CCDC171: variants seen among roughly 807,000 people sequenced by gnomAD.
The protein encoded by CCDC171 is coiled-coil domain-containing protein 171.
CCDC171 carries 177 observed loss-of-function variants against 168.2 expected under a neutral mutation model. That is an observed-to-expected ratio of 1.05 (90% confidence interval 0.93 to 1.19). The LOEUF (loss-of-function observed/expected upper bound fraction) is 1.19, where lower values mean the gene tolerates loss of function less well. Among genes scored for constraint, CCDC171 ranks in the 50% most tolerant of loss-of-function variants. CCDC171 has a pLI of 0.00. For synonymous variants in CCDC171, 687 were observed against 540.8 expected, an observed-to-expected ratio of 1.27 and a Z score of -3.75; for missense variants, 1,991 against 1,539.0, an observed-to-expected ratio of 1.29 and a Z score of -4.91.
At chr9:15,685,342 A>G (rs79933752) in intron 10 of CCDC171, among the ~76,000 whole-genome samples, 7,134 of 152,244 alleles carry the variant, frequency 0.047, 240 homozygotes, top group Non-Finnish European at 0.069. Context: ...GAATATAAGC[A>G]TAGACCAGAT....
chr9:16,090,907 C>A, the CCDC171 span, among the ~76,000 whole-genome samples: 3 of 152,192 alleles, frequency 2.0e-5, no homozygotes, highest in African/African-American at 7.2e-5. Context: ...AGAAGTAATT[C>A]TCGAAAGTTG....
chr9:15,819,996 G>GA (rs531824228), intron 21 of CCDC171, among the ~76,000 whole-genome samples: 1,522 of 117,978 alleles, frequency 0.013, 440 homozygotes, highest in African/African-American at 0.046. Flanking sequence ...CTGTGTCTCA[G>GA]ACCACAGTGC....
At chr9:15,627,580 G>A (rs887006817) in intron 7 of CCDC171, among the ~76,000 whole-genome samples, 3 of 152,200 alleles carry the variant, frequency 2.0e-5, no homozygotes, top group Admixed American at 6.5e-5. Context: ...TATGTACCCA[G>A]TAGTCATTCA....
intron 4 of CCDC171, among the ~76,000 whole-genome samples, chr9:16,021,217 A>G (rs372026284): frequency 5.3e-5 from 8 of 152,142 alleles, no homozygotes; most frequent in African/African-American, 1.7e-4. Context: ...CCTCCCGAGT[A>G]GCTGGGATTA....
At chr9:15,836,802 A>G (rs1003341012) in intron 21 of CCDC171, among the ~76,000 whole-genome samples, 5 of 152,220 alleles carry the variant, frequency 3.3e-5, no homozygotes, top group Admixed American at 3.3e-4. Context: ...TCTTCTTTCC[A>G]GAAAGGACAC....
chr9:15,666,013 C>T (rs1162756070), intron 8 of CCDC171, 150 bp from the exon 9 acceptor site: 1 of 622,078 alleles, frequency 1.6e-6, no homozygotes, highest in Non-Finnish European at 2.7e-6. Flanking sequence ...AATAAACTGT[C>T]TTTTATTTAT....
intron 24 of CCDC171, 41 bp downstream of exon 24, chr9:15,874,704 G>GA: frequency 6.8e-7 from 1 of 1,474,008 alleles, no homozygotes; most frequent in Non-Finnish European, 9.0e-7. Flanking sequence ...GAGACATATA[G>GA]AAAAATAAAT....
At chr9:16,059,326 C>T (rs552357888) in intron 1 of CCDC171, among the ~76,000 whole-genome samples, 22 of 152,200 alleles carry the variant, frequency 1.4e-4, no homozygotes, top group African/African-American at 5.1e-4. Flanking sequence ...GGTTGGAATT[C>T]ACACGAATAT....
intron 1 of CCDC171, 74 bp downstream of exon 1, chr9:15,553,376 G>C (rs1016956916): frequency 3.9e-5 from 6 of 152,268 alleles, no homozygotes; most frequent in Non-Finnish European, 7.3e-5. Flanking sequence ...AGGGGCCCCT[G>C]AGTGAGTTTG....
At chr9:16,023,653 G>A (rs962315299) in intron 6 of CCDC171, among the ~76,000 whole-genome samples, 3 of 152,168 alleles carry the variant, frequency 2.0e-5, no homozygotes, top group African/African-American at 7.2e-5. Context: ...AATAAACAAA[G>A]ATGTTCATGA....
At chr9:15,765,396 C>A (rs1289564357) in intron 18 of CCDC171, among the ~76,000 whole-genome samples, 1 of 151,622 alleles carries the variant, frequency 6.6e-6, no homozygotes, top group African/African-American at 2.4e-5. Context: ...AGGGAAGGCA[C>A]AATTGGCAGA....
intron 24 of CCDC171, among the ~76,000 whole-genome samples, chr9:15,913,443 C>T (rs1237786604): frequency 6.6e-6 from 1 of 152,076 alleles, no homozygotes; most frequent in Non-Finnish European, 1.5e-5. Flanking sequence ...GTTTGGCTGG[C>T]AGCGTATATA....
At chr9:15,977,539 C>T (rs1296029599), downstream of CCDC171, among the ~76,000 whole-genome samples, 1 of 152,028 alleles carries the variant, frequency 6.6e-6, no homozygotes, top group African/African-American at 2.4e-5. Flanking sequence ...CAACAGAAGC[C>T]CTACAACATA....
chr9:15,642,275 A>T (rs1342428250), intron 7 of CCDC171, among the ~76,000 whole-genome samples: 1 of 146,678 alleles, frequency 6.8e-6, no homozygotes, highest in Non-Finnish European at 1.5e-5. Flanking sequence ...ATATATGAAC[A>T]TATATGTGTG....
At chr9:16,023,824 C>T (rs1338175878) in intron 6 of CCDC171, among the ~76,000 whole-genome samples, 1 of 151,570 alleles carries the variant, frequency 6.6e-6, no homozygotes, top group Admixed American at 6.6e-5. Flanking sequence ...CTATTTCAGA[C>T]AGAATAATGC....
intron 18 of CCDC171, among the ~76,000 whole-genome samples, chr9:15,746,963 C>T (rs980718820): frequency 2.6e-5 from 4 of 152,206 alleles, no homozygotes; most frequent in African/African-American, 4.8e-5. Flanking sequence ...GTGACTGGCT[C>T]GGCGGGTCCC....
chr9:15,584,253 T>C (rs541424713), intron 4 of CCDC171, among the ~76,000 whole-genome samples: 2 of 152,218 alleles, frequency 1.3e-5, no homozygotes, highest in African/African-American at 2.4e-5. Context: ...GTATTTTTGA[T>C]TATGTAGAGA....
chr9:15,590,804 T>TCTTTC (rs1158827571), intron 4 of CCDC171, among the ~76,000 whole-genome samples: 4 of 149,800 alleles, frequency 2.7e-5, no homozygotes, highest in Non-Finnish European at 5.9e-5. Flanking sequence ...TTTCTTTCTT[T>TCTTTC]CTTTCTTTCT....
the CCDC171 span, among the ~76,000 whole-genome samples, chr9:16,095,986 A>G: frequency 6.6e-6 from 1 of 151,400 alleles, no homozygotes; most frequent in Non-Finnish European, 1.5e-5. Context: ...ATATAATCAA[A>G]TTAGTTCTAT....
Sources: allele counts gnomAD v4.1 joint callset (sites outside exome capture counted in the v4.1 genomes callset), GRCh38; gene constraint gnomAD v4.1.1; transcripts MANE v1.5; gene names NCBI Gene and HGNC (gene_info 2026-07-23, HGNC 2026-07-21).